NAALADL2: variants seen among roughly 807,000 people sequenced by gnomAD.
NAALADL2 encodes inactive N-acetylated-alpha-linked acidic dipeptidase-like protein 2.
In NAALADL2, 76 loss-of-function variants were observed where a neutral mutation model predicts 87.2. That is an observed-to-expected ratio of 0.87 (90% CI 0.72 to 1.05). The LOEUF (loss-of-function observed/expected upper bound fraction) is 1.05. Among genes scored for constraint, NAALADL2 ranks in the 50% least tolerant of loss-of-function variants. The pLI is 0.00. For synonymous variants in NAALADL2, 354 were observed against 331.0 expected (o/e 1.07, Z -0.75); for missense variants, 1,089 against 945.8 (o/e 1.15, Z -1.99).
chr3:174,931,735 C>T (rs567415568), intron 1 of NAALADL2, among the ~76,000 whole-genome samples: 1 of 152,170 alleles, frequency 6.6e-6, no homozygotes, highest in Admixed American at 6.5e-5. Flanking sequence ...TCTGGGATGA[C>T]ATGAGATTGC....
intron 9 of NAALADL2, among the ~76,000 whole-genome samples, chr3:175,482,074 A>T (rs535442433): frequency 0.023 from 3,479 of 151,708 alleles, 122 homozygotes; most frequent in African/African-American, 0.079. Context: ...GAAAAAAAAT[A>T]TTAAAAGTTA....
chr3:175,430,790 G>T (rs965604225), intron 5 of NAALADL2, among the ~76,000 whole-genome samples: 1 of 152,036 alleles, frequency 6.6e-6, no homozygotes, highest in African/African-American at 2.4e-5. Flanking sequence ...CTATAATGCA[G>T]ATTTAGACTA....
intron 1 of NAALADL2, among the ~76,000 whole-genome samples, chr3:175,029,166 G>C (rs1752537435): frequency 6.6e-6 from 1 of 151,808 alleles, no homozygotes; most frequent in African/African-American, 2.4e-5. Context: ...ATGAACAAAA[G>C]ATGTATGGTG....
intron 1 of NAALADL2, among the ~76,000 whole-genome samples, chr3:175,028,990 A>G (rs1752508934): frequency 1.3e-5 from 2 of 150,252 alleles, no homozygotes; most frequent in South Asian, 4.2e-4. Context: ...TAATAATTAG[A>G]TGAATATTAT....
chr3:174,759,164 C>T (rs1334132749), intron 3 of NAALADL2, among the ~76,000 whole-genome samples: 2 of 152,168 alleles, frequency 1.3e-5, no homozygotes, highest in Non-Finnish European at 2.9e-5. Flanking sequence ...ATTTTGGCAG[C>T]TGGAATTAGT....
At chr3:175,564,137 A>T (rs1338613867) in intron 9 of NAALADL2, among the ~76,000 whole-genome samples, 1 of 151,450 alleles carries the variant, frequency 6.6e-6, no homozygotes, top group African/African-American at 2.4e-5. Context: ...GCATTTTTCA[A>T]TTTTTTTTCT....
chr3:175,573,133 T>A (rs951322541), intron 9 of NAALADL2, among the ~76,000 whole-genome samples: 1 of 152,222 alleles, frequency 6.6e-6, no homozygotes, highest in East Asian at 1.9e-4. Flanking sequence ...CATTGTTAAT[T>A]TTTGACCATG....
intron 2 of NAALADL2, among the ~76,000 whole-genome samples, chr3:174,592,561 G>C (rs1717484537): frequency 6.6e-6 from 1 of 152,082 alleles, no homozygotes; most frequent in Non-Finnish European, 1.5e-5. Flanking sequence ...TTCATCTTTA[G>C]ATGATCAATT....
intron 7 of NAALADL2, 50 bp downstream of exon 7, chr3:175,463,543 AG>A (rs1316938993): frequency 5.1e-6 from 5 of 978,206 alleles, no homozygotes; most frequent in Middle Eastern, 2.2e-4. Flanking sequence ...AAACTATACA[AG>A]GAAATGCTCT....
intron 1 of NAALADL2, among the ~76,000 whole-genome samples, chr3:174,493,916 TA>T (rs1427268655): frequency 6.6e-6 from 1 of 152,202 alleles, no homozygotes; most frequent in Non-Finnish European, 1.5e-5. Flanking sequence ...AGTGCTGTGA[TA>T]GAGATACGAA....
intron 5 of NAALADL2, among the ~76,000 whole-genome samples, chr3:175,404,253 T>C (rs1711883749): frequency 6.6e-6 from 1 of 152,094 alleles, no homozygotes; most frequent in Non-Finnish European, 1.5e-5. Context: ...TGCCAGAAAC[T>C]CATTGTGCAA....
At chr3:174,726,000 A>G (rs1460493418) in intron 2 of NAALADL2, among the ~76,000 whole-genome samples, 1 of 152,056 alleles carries the variant, frequency 6.6e-6, no homozygotes, top group Non-Finnish European at 1.5e-5. Context: ...CTCTGTTTCT[A>G]TTTCCTTGTC....
Position 175,097,109 on chromosome 3 carries a change from C to A in NAALADL2, c.363C>A (p.Asn121Lys). ...TRSAPKSNRC[N>K]FCHVLKILCT... Reference sequence around the variant, plus strand: ...CTGCACCAAAGAGCAATCGCTGCAACTTTTGCCACGTCTTAAAAATACTTT... The same window carrying A: ...CTGCACCAAAGAGCAATCGCTGCAAATTTTGCCACGTCTTAAAAATACTTT... Residue 121 changes from asparagine (N) to lysine (K), a missense_variant, in exon 2 of 14, where the codon AAC becomes AAA. Coordinates refer to ENST00000454872, the MANE Select transcript of NAALADL2 (RefSeq NM_207015.3). 1 of 1,613,784 alleles carries A rather than the reference C, an allele frequency of 6.2e-7. No individual in the cohort carries two copies. The highest frequency in any genetic ancestry group is 1.1e-5 in the South Asian group (1 of 91,086).
In NAALADL2 at chr3:175,065,093, G is replaced by C. The variant is rs370086756; in HGVS notation, c.44-31697G>C. 3.2e-4 allele frequency among the ~76,000 whole-genome samples: 48 copies of C among 152,262 alleles called. 1 individual carries two copies. The South Asian group carries it at 9.1e-3, about 29-fold the overall frequency. Reference sequence around the variant, plus strand: ...TTTAAAAAGAAGGAATAGTCACTATGAAGGCAGCTAGGAGACCTGGAAATT... The same window carrying C: ...TTTAAAAAGAAGGAATAGTCACTATCAAGGCAGCTAGGAGACCTGGAAATT... On this transcript the variant is annotated intron_variant, in intron 1 of 13. Coordinates refer to ENST00000454872, the MANE Select transcript of NAALADL2 (RefSeq NM_207015.3).
chr3:174,815,848 T>A lies in NAALADL2; in HGVS notation c.-9+78102T>A, dbSNP rs1014491462. On this transcript the variant is annotated intron_variant, in intron 3 of 3. Transcript: ENST00000434257. Reference sequence around the variant, plus strand: ...GACTTTAGTTTTTTTTTTTTTTTTTTTTTTTTTTTAAGTTTCCTTTGGTAG... The same window carrying A: ...GACTTTAGTTTTTTTTTTTTTTTTTATTTTTTTTTAAGTTTCCTTTGGTAG... 6.7e-5 allele frequency among the ~76,000 whole-genome samples: 10 copies of A among 149,614 alleles called. 1 individual carries two copies. Among genetic ancestry groups the A allele is most frequent in the African/African-American group, 7.3e-5 (3 of 41,022 alleles).
intron 13 of NAALADL2, among the ~76,000 whole-genome samples, chr3:175,765,381 T>C (rs1022205132): frequency 6.6e-6 from 1 of 152,116 alleles, no homozygotes; most frequent in Admixed American, 6.6e-5. Flanking sequence ...AAAAACCAGA[T>C]TAATATGCCA....
intron 5 of NAALADL2, among the ~76,000 whole-genome samples, chr3:175,359,981 A>G (rs534908326): frequency 6.6e-6 from 1 of 152,116 alleles, no homozygotes; most frequent in Non-Finnish European, 1.5e-5. Flanking sequence ...TGTGTTTTCA[A>G]TTACCATTTT....
intron 4 of NAALADL2, among the ~76,000 whole-genome samples, chr3:175,319,804 A>G (rs764354562): frequency 2.2e-4 from 33 of 152,192 alleles, no homozygotes; most frequent in Non-Finnish European, 3.8e-4. Context: ...TGGGCGACAG[A>G]GCGAGACTGT....
At chr3:174,613,290 T>A (rs2108646589) in intron 2 of NAALADL2, among the ~76,000 whole-genome samples, 1 of 152,300 alleles carries the variant, frequency 6.6e-6, no homozygotes, top group Middle Eastern at 3.4e-3. Flanking sequence ...AAGTCATCTC[T>A]GTTTTCTCAA....
Sources: allele counts gnomAD v4.1 joint callset (sites outside exome capture counted in the v4.1 genomes callset), GRCh38; gene constraint gnomAD v4.1.1; transcripts MANE v1.5; gene names NCBI Gene and HGNC (gene_info 2026-07-23, HGNC 2026-07-21).